The following VANGL1 variants were observed in gnomAD, a reference collection of about 807,000 sequenced individuals.
VANGL1 encodes VANGL planar cell polarity protein 1, also known as vang-like protein 1.
In VANGL1, 18 loss-of-function variants were observed where a neutral mutation model predicts 48.4. The ratio of observed to expected loss-of-function variants is 0.37; its 90% CI spans 0.26 to 0.55. VANGL1 has a LOEUF of 0.55. Among genes scored for constraint, VANGL1 ranks in the 20% least tolerant of loss-of-function variants. The pLI is 0.81. For synonymous variants in VANGL1, 257 were observed against 261.8 expected (o/e 0.98, Z 0.18); for missense variants, 667 against 675.8 (o/e 0.99, Z 0.14).
chr1:115,644,271 T>C (rs1651834684), intron 1 of VANGL1, among the ~76,000 whole-genome samples: 1 of 152,250 alleles, frequency 6.6e-6, no homozygotes, highest in African/African-American at 2.4e-5. Flanking sequence ...CTTATTTTTC[T>C]TAAACACTTG....
rs1245012304 is a variant in VANGL1 at position 115,691,869 on chromosome 1, G to T, written c.*490G>T. ...CCCATGAAAGTCGTGGGCAGTTCAG[G>T]AGATACCTGCCTTCATCTTTGTTCT... On this transcript the variant is annotated 3_prime_UTR_variant, in exon 8 of 8. Transcript: ENST00000355485. 6.4e-6 allele frequency: 1 copy of T among 156,988 alleles called. No individual in the cohort carries two copies. The highest frequency in any genetic ancestry group is 6.2e-5 in the Admixed American group (1 of 16,096). The allele number at this position is 156,988 out of a possible 1,614,324, so 9.7% of individuals were successfully genotyped here.
intron 6 of VANGL1, 109 bp from the exon 7 acceptor site, chr1:115,685,184 C>T (rs1653549870): frequency 1.7e-6 from 2 of 1,180,618 alleles, no homozygotes; most frequent in Non-Finnish European, 2.5e-6. Flanking sequence ...GTGATTGGGC[C>T]TTGGGTATGT....
At chr1:115,676,462 C>T (rs769788520) in intron 4 of VANGL1, among the ~76,000 whole-genome samples, 5 of 152,170 alleles carry the variant, frequency 3.3e-5, no homozygotes, top group Admixed American at 1.3e-4. Flanking sequence ...ATCAAGTTGG[C>T]CGCTTCAACA....
intron 6 of VANGL1, among the ~76,000 whole-genome samples, chr1:115,684,431 T>C (rs1185876488): frequency 6.6e-6 from 1 of 152,174 alleles, no homozygotes; most frequent in East Asian, 1.9e-4. Context: ...TGAGCCACCA[T>C]GCCCGGCCTC....
chr1:115,681,503 G>GTTGTTTTT (rs1553189431), intron 4 of VANGL1, among the ~76,000 whole-genome samples: 3 of 114,888 alleles, frequency 2.6e-5, no homozygotes, highest in Admixed American at 1.9e-4. Context: ...TTTTTTTGTT[G>GTTGTTTTT]TTTTTTTTGT....
intron 3 of VANGL1, among the ~76,000 whole-genome samples, chr1:115,660,776 C>G (rs1263408508): frequency 6.6e-6 from 1 of 152,168 alleles, no homozygotes; most frequent in African/African-American, 2.4e-5. Context: ...AATAGGTGGA[C>G]TGAAACTGGA....
At chr1:115,647,995 A>G (rs1652001197) in intron 1 of VANGL1, among the ~76,000 whole-genome samples, 1 of 152,194 alleles carries the variant, frequency 6.6e-6, no homozygotes, top group South Asian at 2.1e-4. Context: ...CTTCTGCCAT[A>G]GGAAATCTGT....
intron 1 of VANGL1, among the ~76,000 whole-genome samples, chr1:115,648,174 C>CCTAG (rs1652009568): frequency 6.6e-6 from 1 of 152,150 alleles, no homozygotes; most frequent in Admixed American, 6.5e-5. Context: ...CATTGCTGTG[C>CCTAG]CCTAGCATTG....
rs539156622 is a variant in VANGL1, at chr1:115,682,924, G to A, written c.946+427G>A. 1.1e-4 allele frequency among the ~76,000 whole-genome samples: 17 copies of A among 152,302 alleles called. No individual in the cohort carries two copies. The East Asian group carries it at 1.3e-3, about 12-fold the overall frequency. Reference sequence around the variant, plus strand: ...CACTTCTTACTCGTGGCTAGGAGCCGGAGTTGAGTGGGTGGCAGGAGGCTG... The same window carrying A: ...CACTTCTTACTCGTGGCTAGGAGCCAGAGTTGAGTGGGTGGCAGGAGGCTG... On this transcript the variant is annotated intron_variant, in intron 5 of 7. Coordinates refer to ENST00000355485, the MANE Select transcript of VANGL1 (RefSeq NM_138959.3).
At chr1:115,661,896 G>A (rs1652572033) in intron 3 of VANGL1, among the ~76,000 whole-genome samples, 1 of 152,170 alleles carries the variant, frequency 6.6e-6, no homozygotes, top group Non-Finnish European at 1.5e-5. Context: ...AGGATTACAG[G>A]CGTGAGCCAC....
chr1:115,684,115 T>C, intron 6 of VANGL1, 39 bp downstream of exon 6: 1 of 1,531,862 alleles, frequency 6.5e-7, no homozygotes, highest in African/African-American at 1.4e-5. Flanking sequence ...TCTTACAGAC[T>C]TTTAAATTTT....
At chr1:115,681,222 G>T (rs1032536844) in intron 4 of VANGL1, among the ~76,000 whole-genome samples, 1 of 152,204 alleles carries the variant, frequency 6.6e-6, no homozygotes, top group African/African-American at 2.4e-5. Flanking sequence ...AAAGTGGCAA[G>T]TGTTCTGCAC....
chr1:115,669,789 A>G (rs1436008166), intron 4 of VANGL1, among the ~76,000 whole-genome samples: 1 of 152,216 alleles, frequency 6.6e-6, no homozygotes, highest in Non-Finnish European at 1.5e-5. Flanking sequence ...ATGGACTAAT[A>G]CAGATCTTTT....
intron 4 of VANGL1, among the ~76,000 whole-genome samples, chr1:115,675,913 T>A (rs1653143856): frequency 6.6e-6 from 1 of 152,212 alleles, no homozygotes; most frequent in Admixed American, 6.5e-5. Flanking sequence ...CTTCCATTTC[T>A]AAAATTTTGA....
Position 115,659,625 on chromosome 1 carries a change from CATT to C in VANGL1, c.72-15_72-13del, listed in dbSNP as rs571747575. ...TTAACATGGCATAAATGTGCTAGCT[CATT>C]GTTGTTTTTCAGGGAAAGAACTAGA... is the stretch of plus-strand genomic sequence containing the variant. On this transcript the variant is annotated splice_polypyrimidine_tract_variant and intron_variant, in intron 2 of 7. Transcript: ENST00000355485. 124 of 1,613,784 alleles carry C rather than the reference CATT, an allele frequency of 7.7e-5. No homozygotes were observed. The highest frequency in any genetic ancestry group is 3.6e-4 in the African/African-American group (27 of 74,916).
At chr1:115,681,540 C>CT (rs1422580119) in intron 4 of VANGL1, among the ~76,000 whole-genome samples, 1 of 137,324 alleles carries the variant, frequency 7.3e-6, no homozygotes, top group African/African-American at 2.8e-5. Flanking sequence ...GAATTTCACT[C>CT]TTGTTGCCCA....
At chr1:115,659,219 T>G in intron 2 of VANGL1, among the ~76,000 whole-genome samples, 1 of 152,068 alleles carries the variant, frequency 6.6e-6, no homozygotes, top group Non-Finnish European at 1.5e-5. Flanking sequence ...GATATTTTTT[T>G]GTAGAAAAAA....
At chr1:115,654,997 G>A (rs1171845422) in intron 2 of VANGL1, among the ~76,000 whole-genome samples, 1 of 152,198 alleles carries the variant, frequency 6.6e-6, no homozygotes, top group East Asian at 1.9e-4. Flanking sequence ...TTAGGAAAGG[G>A]AAACGAAGGG....
chr1:115,665,798 T>C (rs1182625469), intron 4 of VANGL1, among the ~76,000 whole-genome samples: 1 of 152,200 alleles, frequency 6.6e-6, no homozygotes, highest in Non-Finnish European at 1.5e-5. Flanking sequence ...TCTTTTCCCA[T>C]GTTTTGCATC....
Sources: gnomAD v4.1 joint callset for allele counts (sites outside exome capture counted in the v4.1 genomes callset) on GRCh38, gnomAD v4.1.1 for gene constraint, MANE v1.5 for transcripts, NCBI Gene and HGNC (gene_info 2026-07-23, HGNC 2026-07-21) for gene names.